TVP23C: variants seen among roughly 807,000 people sequenced by gnomAD.
TVP23C encodes the protein Golgi apparatus membrane protein TVP23 homolog C.
TVP23C carries 19 observed loss-of-function variants against 28.7 expected under a neutral mutation model. The ratio of observed to expected loss-of-function variants is 0.66; its 90% CI spans 0.46 to 0.97. TVP23C has a LOEUF of 0.97. TVP23C is among the 50% of genes least tolerant of loss of function. TVP23C has a pLI of 0.00. For synonymous variants in TVP23C, 68 were observed against 81.7 expected, an observed-to-expected ratio of 0.83 and a Z score of 0.90; for missense variants, 186 against 241.3, an observed-to-expected ratio of 0.77 and a Z score of 1.52.
rs545242564 is a variant in TVP23C at position 15,553,694 on chromosome 17, C to T, written c.231G>A (p.Trp77Ter). 10 of 1,606,124 alleles carry T rather than the reference C, an allele frequency of 6.2e-6. No homozygotes were observed. In the Admixed American group the frequency reaches 1.7e-4, roughly 27 times the overall value. Reference protein sequence around the residue: ...TIILLLSCDFWAVKNVTGRLM... With the variant: ...TIILLLSCDF ...AAACAATCAAAATTACCTTCACTGC[C>T]CAAAAGTCACACGACAACAACAAGA... The change falls in exon 3 of 6, where the codon TGG becomes TGA. Residue 77 changes from tryptophan to a stop codon, truncating the protein, a stop_gained. Coordinates refer to ENST00000518321, the MANE Select transcript of TVP23C (RefSeq NM_001135036.2). LOFTEE classifies it high-confidence loss of function.
chr17:15,522,923 A>G (rs181596408), intron 5 of TVP23C, among the ~76,000 whole-genome samples: 22 of 152,202 alleles, frequency 1.4e-4, no homozygotes, highest in African/African-American at 4.8e-4. Context: ...ACACCTGTGC[A>G]CCACCAGAGC....
rs368896495 is a variant in TVP23C, at chr17:15,519,905, C to T, written c.463-16673G>A. Among the ~76,000 whole-genome samples the T allele has an allele frequency of 1.1e-4, 17 of 152,272 alleles. No homozygotes were observed. The East Asian group carries it at 3.1e-3, about 28-fold the overall frequency. On this transcript the variant is annotated intron_variant, in intron 5 of 5. Transcript: ENST00000225576. Reference sequence around the variant, plus strand: ...CAACAGAGCGAGACTCCGTCTCAAACAAACAAACAAAAAGTACTGTCATTT... The same window carrying T: ...CAACAGAGCGAGACTCCGTCTCAAATAAACAAACAAAAAGTACTGTCATTT...
chr17:15,563,135 C>G (rs1228647265), intron 1 of TVP23C: 4 of 460,310 alleles, frequency 8.7e-6, no homozygotes, highest in Non-Finnish European at 1.5e-5. Flanking sequence ...CGCTCCTCCT[C>G]AACTCCACCC....
At chr17:15,520,527 C>A (rs1567633477) in intron 5 of TVP23C, among the ~76,000 whole-genome samples, 1 of 132,822 alleles carries the variant, frequency 7.5e-6, no homozygotes, top group Non-Finnish European at 1.6e-5. Context: ...TGTCCATTTT[C>A]CCAGGGATCA....
chr17:15,503,295 C>T (rs1478205544), intron 5 of TVP23C: 1 of 1,437,514 alleles, frequency 7.0e-7, no homozygotes, highest in Non-Finnish European at 9.1e-7. Context: ...GTTCCAGCTA[C>T]TTGACAGGCC....
chr17:15,552,684 C>CA (rs961605422), intron 3 of TVP23C, among the ~76,000 whole-genome samples: 16 of 143,218 alleles, frequency 1.1e-4, no homozygotes, highest in South Asian at 8.8e-4. Context: ...AACTCCGTCT[C>CA]AAAAAAAAAA....
chr17:15,524,996 T>C (rs1982660164), intron 5 of TVP23C, among the ~76,000 whole-genome samples: 1 of 152,232 alleles, frequency 6.6e-6, no homozygotes, highest in East Asian at 1.9e-4. Flanking sequence ...AACTACCCAG[T>C]TGGCCAAGCC....
intron 5 of TVP23C, among the ~76,000 whole-genome samples, chr17:15,528,787 G>A (rs1402751720): frequency 2.0e-5 from 3 of 151,026 alleles, no homozygotes; most frequent in Non-Finnish European, 4.4e-5. Flanking sequence ...TAGCAGAGAC[G>A]GGGTTTCTCC....
At chr17:15,528,321 AT>A (rs1275922449) in intron 5 of TVP23C, among the ~76,000 whole-genome samples, 9 of 151,924 alleles carry the variant, frequency 5.9e-5, no homozygotes, top group Admixed American at 5.9e-4. Flanking sequence ...ATCTCAAAGT[AT>A]TTTCTAATTT....
chr17:15,511,570 G>A (rs1982005831), intron 5 of TVP23C, among the ~76,000 whole-genome samples: 1 of 152,146 alleles, frequency 6.6e-6, no homozygotes, highest in South Asian at 2.1e-4. Flanking sequence ...GTTTCTGCAT[G>A]GTTAAGAAAC....
intron 3 of TVP23C, among the ~76,000 whole-genome samples, chr17:15,552,392 T>C (rs145609659): frequency 4.5e-4 from 69 of 152,202 alleles, no homozygotes; most frequent in African/African-American, 1.6e-3. Context: ...CTTTAAGAAT[T>C]AAAAGATGGC....
chr17:15,508,350 T>C (rs1246610044), intron 5 of TVP23C, among the ~76,000 whole-genome samples: 2 of 152,214 alleles, frequency 1.3e-5, no homozygotes, highest in Admixed American at 1.3e-4. Flanking sequence ...GTCTTTGTCC[T>C]GTCCCCAAAG....
chr17:15,556,241 T>A (rs868692797), intron 1 of TVP23C, among the ~76,000 whole-genome samples: 2 of 151,976 alleles, frequency 1.3e-5, no homozygotes, highest in South Asian at 4.2e-4. Flanking sequence ...CTAATCAGCA[T>A]ATGCATATAA....
rs189116144 is a variant in TVP23C at position 15,524,275 on chromosome 17, G to A, written c.463-21043C>T. On this transcript the variant is annotated intron_variant, in intron 5 of 5. Transcript: ENST00000225576. ...AAATTTTAAAATATTATAATTCATTGAGAGTACCATTTTGCCTCCCCCTAC... is the reference window on the plus strand; with the variant it reads ...AAATTTTAAAATATTATAATTCATTAAGAGTACCATTTTGCCTCCCCCTAC... Among the ~76,000 whole-genome samples, 15 of 152,066 alleles carry A rather than the reference G, an allele frequency of 9.9e-5. No individual in the cohort carries two copies. In the East Asian group the frequency reaches 2.9e-3, roughly 29 times the overall value.
intron 5 of TVP23C, among the ~76,000 whole-genome samples, chr17:15,525,395 T>A (rs1342780581): frequency 6.6e-6 from 1 of 152,226 alleles, no homozygotes; most frequent in Non-Finnish European, 1.5e-5. Flanking sequence ...GTTGTTTGCT[T>A]TGAAGCTATT....
In TVP23C at chr17:15,553,772, A is replaced by G. The variant is rs773838085; in HGVS notation, c.153T>C (p.Cys51=). The part of the protein sequence containing the change: ...LFFRVSAIIV[C]LLCELLSSSF... ...TGCTGCTGAGCAACTCACAGAGAAGACAGACGATGATTGCACTGACTCGAA... is the reference window on the plus strand; with the variant it reads ...TGCTGCTGAGCAACTCACAGAGAAGGCAGACGATGATTGCACTGACTCGAA... Residue 51 remains cysteine (C), a synonymous_variant, in exon 3 of 6, where the codon TGT becomes TGC. Coordinates refer to ENST00000518321, the MANE Select transcript of TVP23C (RefSeq NM_001135036.2). 74 of 1,613,920 alleles carry G rather than the reference A, an allele frequency of 4.6e-5. No homozygotes were observed. The highest frequency in any genetic ancestry group is 5.7e-5 in the Non-Finnish European group (67 of 1,179,900).
chr17:15,532,042 A>G (rs1409041306), downstream of TVP23C, among the ~76,000 whole-genome samples: 1 of 151,932 alleles, frequency 6.6e-6, no homozygotes. Context: ...TTTAGTCTTG[A>G]GCATATGATT....
intron 3 of TVP23C, among the ~76,000 whole-genome samples, chr17:15,551,282 T>A (rs1333349394): frequency 1.3e-5 from 2 of 149,980 alleles, no homozygotes; most frequent in East Asian, 3.9e-4. Flanking sequence ...TTTTTTTTTT[T>A]TTTTTAGCAG....
At chr17:15,527,406 G>A (rs1481152659) in intron 5 of TVP23C, among the ~76,000 whole-genome samples, 1 of 151,982 alleles carries the variant, frequency 6.6e-6, no homozygotes, top group African/African-American at 2.4e-5. Context: ...CTGTTTTGCT[G>A]CATTTGGATT....
Sources: allele counts gnomAD v4.1 joint callset (sites outside exome capture counted in the v4.1 genomes callset), GRCh38; gene constraint gnomAD v4.1.1; transcripts MANE v1.5; gene names NCBI Gene and HGNC (gene_info 2026-07-23, HGNC 2026-07-21).